Variants in CDH3 observed in about 807,000 individuals in gnomAD.
CDH3 encodes the protein cadherin 3.
In CDH3, 54 loss-of-function variants were observed where a neutral mutation model predicts 82.0. The ratio of observed to expected loss-of-function variants is 0.66; its 90% confidence interval spans 0.53 to 0.83. The LOEUF (loss-of-function observed/expected upper bound fraction) is 0.83, where lower values mean the gene tolerates loss of function less well. Among genes scored for constraint, CDH3 ranks in the 40% least tolerant of loss-of-function variants. The pLI, the probability that CDH3 is intolerant of heterozygous loss-of-function variation, is 0.00. For missense variants in CDH3, 1,054 were observed against 1,084.6 expected (o/e 0.97, Z 0.40); for synonymous variants, 446 against 437.9 (o/e 1.02, Z -0.23).
At chr16:68,730,568 T>C (rs1026637570), downstream of CDH3, among the ~76,000 whole-genome samples, 2 of 152,142 alleles carry the variant, frequency 1.3e-5, no homozygotes, top group African/African-American at 4.8e-5. Flanking sequence ...TTAAAAGACA[T>C]TTTTTAAAAT....
chr16:68,703,772 C>T (rs373246708), downstream of CDH3, among the ~76,000 whole-genome samples: 58 of 151,892 alleles, frequency 3.8e-4, no homozygotes, highest in African/African-American at 1.3e-3. Flanking sequence ...CATGGCGAAA[C>T]CCCATCTCTA....
chr16:68,704,075 A>T (rs945472366), downstream of CDH3, among the ~76,000 whole-genome samples: 1 of 152,126 alleles, frequency 6.6e-6, no homozygotes, highest in South Asian at 2.1e-4. Flanking sequence ...TCACGAGGTC[A>T]GGAGATCGAG....
At chr16:68,651,360 G>A (rs1013682743) in intron 2 of CDH3, 6 of 554,368 alleles carry the variant, frequency 1.1e-5, no homozygotes, top group African/African-American at 3.8e-5. Flanking sequence ...GGTCCACGGG[G>A]GCAGGATATG....
At chr16:68,691,590 A>C in intron 12 of CDH3, 130 bp from the exon 13 acceptor site, 1 of 755,996 alleles carries the variant, frequency 1.3e-6, no homozygotes, top group Non-Finnish European at 2.4e-6. Context: ...GCTATTTTCC[A>C]AAGTGTGCTT....
At chr16:68,655,642 G>A (rs1299079182) in intron 2 of CDH3, among the ~76,000 whole-genome samples, 3 of 151,996 alleles carry the variant, frequency 2.0e-5, no homozygotes, top group South Asian at 2.1e-4. Flanking sequence ...TCAGGAGTTC[G>A]AAACCAGCCT....
At chr16:68,732,545 T>C in the CDH3 span, among the ~76,000 whole-genome samples, 1 of 152,242 alleles carries the variant, frequency 6.6e-6, no homozygotes, top group Non-Finnish European at 1.5e-5. Flanking sequence ...CTTATCTATC[T>C]GCGGTGATCT....
chr16:68,678,325 C>A, intron 4 of CDH3, 48 bp downstream of exon 4: 1 of 1,607,504 alleles, frequency 6.2e-7, no homozygotes, highest in South Asian at 1.1e-5. Flanking sequence ...CCAGGGACCC[C>A]CATCCAAAGG....
At chr16:68,666,408 C>T (rs1960734499) in intron 2 of CDH3, among the ~76,000 whole-genome samples, 1 of 152,144 alleles carries the variant, frequency 6.6e-6, no homozygotes, top group African/African-American at 2.4e-5. Flanking sequence ...CAGAGCTGCC[C>T]CAAGCTTGCT....
intron 13 of CDH3, among the ~76,000 whole-genome samples, chr16:68,692,857 C>T (rs891728519): frequency 2.0e-5 from 3 of 152,204 alleles, no homozygotes; most frequent in Admixed American, 2.0e-4. Flanking sequence ...GTAATCCCAA[C>T]ACTTTGGGAG....
intron 2 of CDH3, among the ~76,000 whole-genome samples, chr16:68,670,096 C>T (rs891821122): frequency 1.3e-5 from 2 of 151,698 alleles, no homozygotes; most frequent in Admixed American, 6.6e-5. Context: ...TGGTGGCGGG[C>T]GCCTGTAGTC....
intron 8 of CDH3, among the ~76,000 whole-genome samples, chr16:68,681,593 T>C (rs934086970): frequency 1.3e-5 from 2 of 152,226 alleles, no homozygotes; most frequent in African/African-American, 4.8e-5. Flanking sequence ...CCCAGCACTT[T>C]GGGAGGCCAA....
At chr16:68,654,762 A>G (rs1367986526) in intron 2 of CDH3, among the ~76,000 whole-genome samples, 4 of 139,096 alleles carry the variant, frequency 2.9e-5, no homozygotes, top group Admixed American at 7.4e-5. Flanking sequence ...GGCGGCCGGC[A>G]TGATGGCTCA....
chr16:68,703,898 G>T (rs1961926615), downstream of CDH3, among the ~76,000 whole-genome samples: 1 of 152,146 alleles, frequency 6.6e-6, no homozygotes, highest in Admixed American at 6.5e-5. Flanking sequence ...AGTGAGCCGA[G>T]ATCGTGCCAC....
chr16:68,689,735 CAG>C (rs1278638854), intron 12 of CDH3, among the ~76,000 whole-genome samples: 1 of 151,482 alleles, frequency 6.6e-6, no homozygotes, highest in Non-Finnish European at 1.5e-5. Flanking sequence ...TAAATGGGGA[CAG>C]AGTGGATTCT....
At chr16:68,704,194 G>T (rs1031119454), downstream of CDH3, among the ~76,000 whole-genome samples, 7 of 151,862 alleles carry the variant, frequency 4.6e-5, no homozygotes, top group African/African-American at 1.7e-4. Flanking sequence ...GGCTGAGGCA[G>T]GAGAATGGCG....
At chr16:68,702,028 A>AAT (rs917301907), downstream of CDH3, among the ~76,000 whole-genome samples, 35 of 151,756 alleles carry the variant, frequency 2.3e-4, no homozygotes, top group African/African-American at 8.0e-4. Flanking sequence ...CCATCTAAAA[A>AAT]ATATATATAT....
chr16:68,717,761 G>C (rs1323542329), intron 1 of CDH3, among the ~76,000 whole-genome samples: 2 of 148,288 alleles, frequency 1.3e-5, no homozygotes, highest in African/African-American at 4.9e-5. Context: ...GGATAAGAGC[G>C]AGACATCCTC....
chr16:68,716,216 G>GA (rs879629618), intron 1 of CDH3, among the ~76,000 whole-genome samples: 132 of 111,516 alleles, frequency 1.2e-3, no homozygotes, highest in Middle Eastern at 4.7e-3. Flanking sequence ...TGCAGTGAGA[G>GA]AAAAAAAAAA....
At chr16:68,658,985 T>C (rs1004025621) in intron 2 of CDH3, among the ~76,000 whole-genome samples, 3 of 152,222 alleles carry the variant, frequency 2.0e-5, no homozygotes, top group African/African-American at 7.2e-5. Context: ...CATGAAAATA[T>C]GTTCACTGTA....
Sources: gnomAD v4.1 joint callset for allele counts (sites outside exome capture counted in the v4.1 genomes callset) on GRCh38, gnomAD v4.1.1 for gene constraint, MANE v1.5 for transcripts, NCBI Gene and HGNC (gene_info 2026-07-23, HGNC 2026-07-21) for gene names.